The following ZNF385D variants were observed in gnomAD, a reference collection of about 807,000 sequenced individuals.
ZNF385D encodes the protein zinc finger protein 659.
A neutral mutation model predicts 35.8 loss-of-function variants in ZNF385D; 15 were observed. That is an observed-to-expected ratio of 0.42 (90% CI 0.28 to 0.64). The LOEUF (loss-of-function observed/expected upper bound fraction) is 0.64, where lower values mean the gene tolerates loss of function less well. Ranked by LOEUF, ZNF385D falls within the 30% of genes least tolerant of loss-of-function variation. The pLI is 0.23. For missense variants in ZNF385D, 474 were observed against 494.6 expected (o/e 0.96, Z 0.39); for synonymous variants, 212 against 186.8 (o/e 1.13, Z -1.10).
chr3:21,983,075 G>C (rs1314468880), intron 3 of ZNF385D, among the ~76,000 whole-genome samples: 1 of 151,732 alleles, frequency 6.6e-6, no homozygotes, highest in Non-Finnish European at 1.5e-5. Context: ...TCTTTGCCAG[G>C]TTTGGGTATC....
At chr3:22,110,499 G>A (rs966002295) in intron 3 of ZNF385D, among the ~76,000 whole-genome samples, 4 of 152,084 alleles carry the variant, frequency 2.6e-5, no homozygotes, top group Non-Finnish European at 4.4e-5. Context: ...GGACACGGAC[G>A]AAGCTGGAAA....
chr3:22,005,396 A>C (rs1367400138), intron 3 of ZNF385D, among the ~76,000 whole-genome samples: 2 of 152,110 alleles, frequency 1.3e-5, no homozygotes, highest in African/African-American at 4.8e-5. Flanking sequence ...CAAAAAACTA[A>C]AAATAGAATA....
At chr3:21,995,323 CA>C (rs1442552377) in intron 3 of ZNF385D, among the ~76,000 whole-genome samples, 2 of 152,190 alleles carry the variant, frequency 1.3e-5, no homozygotes, top group Non-Finnish European at 2.9e-5. Context: ...CATCAGTGCA[CA>C]AAGGCACTGG....
chr3:22,279,553 TAC>T (rs1380864570), intron 2 of ZNF385D, among the ~76,000 whole-genome samples: 2 of 141,822 alleles, frequency 1.4e-5, no homozygotes, highest in African/African-American at 5.7e-5. Context: ...TATATACATA[TAC>T]ATATGTACAT....
At chr3:21,743,737 G>A (rs75348265) in intron 1 of ZNF385D, among the ~76,000 whole-genome samples, 19 of 152,212 alleles carry the variant, frequency 1.2e-4, no homozygotes, top group Non-Finnish European at 1.2e-4. Context: ...TAGGAATTAG[G>A]GCTTCAATTT....
chr3:21,889,076 A>G (rs985346889), intron 3 of ZNF385D, among the ~76,000 whole-genome samples: 2 of 152,234 alleles, frequency 1.3e-5, no homozygotes, highest in Non-Finnish European at 2.9e-5. Context: ...GACATTTGTC[A>G]GAGACCTTAA....
chr3:21,593,392 C>T (rs1321774842), intron 2 of ZNF385D, among the ~76,000 whole-genome samples: 1 of 152,112 alleles, frequency 6.6e-6, no homozygotes, highest in African/African-American at 2.4e-5. Flanking sequence ...AGATCCAACT[C>T]AGGGCCAAAA....
At chr3:22,126,214 T>A (rs900912889) in intron 3 of ZNF385D, among the ~76,000 whole-genome samples, 2 of 151,970 alleles carry the variant, frequency 1.3e-5, no homozygotes, top group Non-Finnish European at 2.9e-5. Flanking sequence ...TGTATCATAT[T>A]GACTGATTTG....
intron 4 of ZNF385D, among the ~76,000 whole-genome samples, chr3:21,503,871 C>T (rs147070954): frequency 7.9e-4 from 121 of 152,228 alleles, no homozygotes; most frequent in African/African-American, 2.9e-3. Flanking sequence ...AGTTCCTTTG[C>T]ATTCATAGAC....
chr3:22,286,828 CAT>C (rs1042029244), intron 2 of ZNF385D, among the ~76,000 whole-genome samples: 48 of 152,164 alleles, frequency 3.2e-4, no homozygotes, highest in Non-Finnish European at 5.9e-4. Flanking sequence ...TCCACGTGCA[CAT>C]GAGAAGAATG....
At chr3:21,681,508 G>C (rs982540741) in intron 1 of ZNF385D, among the ~76,000 whole-genome samples, 2 of 151,430 alleles carry the variant, frequency 1.3e-5, no homozygotes, top group Non-Finnish European at 2.9e-5. Context: ...TACCTCAAGG[G>C]GAGAGCTTAG....
intron 2 of ZNF385D, among the ~76,000 whole-genome samples, chr3:21,657,424 T>G (rs1443289190): frequency 1.3e-5 from 2 of 151,956 alleles, no homozygotes; most frequent in Non-Finnish European, 2.9e-5. Context: ...TTGACAAACT[T>G]TCCATTCTGC....
rs537362918 is a variant in ZNF385D, at chr3:22,009,492, G to GGGC, written c.325+159324_325+159325insGCC. Among the ~76,000 whole-genome samples, 376 of 151,550 alleles carry GGGC rather than the reference G, an allele frequency of 2.5e-3. 2 individuals carry two copies. Among genetic ancestry groups the GGGC allele is most frequent in the African/African-American group, 8.7e-3 (358 of 41,306 alleles). ...CCAAAAATTAGCCGGGCGTGGTGTC[G>GGGC]GGTGCCTATAGTCCCAGCTACTCGG... On this transcript the variant is annotated intron_variant, in intron 3 of 5. Coordinates refer to the ZNF385D transcript ENST00000494108.
intron 3 of ZNF385D, among the ~76,000 whole-genome samples, chr3:22,142,131 C>G (rs1704543260): frequency 6.6e-6 from 1 of 152,192 alleles, no homozygotes; most frequent in Non-Finnish European, 1.5e-5. Flanking sequence ...CCACACCTAA[C>G]CCAGGATGAA....
intron 1 of ZNF385D, among the ~76,000 whole-genome samples, chr3:21,683,186 A>G (rs1208061443): frequency 6.7e-6 from 1 of 149,946 alleles, no homozygotes; most frequent in Non-Finnish European, 1.5e-5. Context: ...AAGTCCAGTT[A>G]AGGATGTGTG....
At chr3:21,855,639 A>AG (rs1045611294) in intron 3 of ZNF385D, among the ~76,000 whole-genome samples, 47 of 152,144 alleles carry the variant, frequency 3.1e-4, no homozygotes, top group African/African-American at 1.0e-3. Flanking sequence ...ATAGACCTGG[A>AG]GCTCTTCTGT....
At chr3:21,960,859 G>A (rs1458142836) in intron 3 of ZNF385D, among the ~76,000 whole-genome samples, 1 of 152,050 alleles carries the variant, frequency 6.6e-6, no homozygotes. Flanking sequence ...TCGCTCACAT[G>A]TGGGAGCTAA....
intron 3 of ZNF385D, among the ~76,000 whole-genome samples, chr3:21,947,159 A>G (rs502259): frequency 0.26 from 39,230 of 151,820 alleles, 5,736 homozygotes; most frequent in Admixed American, 0.41. Flanking sequence ...TACCACTTGG[A>G]TATAAGGAAC....
intron 3 of ZNF385D, among the ~76,000 whole-genome samples, chr3:22,020,070 A>T (rs1000962273): frequency 2.6e-5 from 4 of 151,928 alleles, no homozygotes; most frequent in African/African-American, 9.7e-5. Flanking sequence ...ATACAATTAA[A>T]AAATGTAAAA....
Sources: gnomAD v4.1 joint callset for allele counts (sites outside exome capture counted in the v4.1 genomes callset) on GRCh38, gnomAD v4.1.1 for gene constraint, MANE v1.5 for transcripts, NCBI Gene and HGNC (gene_info 2026-07-23, HGNC 2026-07-21) for gene names.